The following ADARB2 variants were observed in gnomAD, a reference collection of about 807,000 sequenced individuals.
ADARB2 encodes the protein adenosine deaminase RNA specific B2 (inactive).
Under a neutral mutation model 62.2 loss-of-function variants are expected in ADARB2, and 25 were observed. The ratio of observed to expected loss-of-function variants is 0.40; its 90% CI spans 0.29 to 0.56. The LOEUF (loss-of-function observed/expected upper bound fraction) is 0.56, where lower values mean the gene tolerates loss of function less well. Among genes scored for constraint, ADARB2 ranks in the 20% least tolerant of loss-of-function variants. ADARB2 has a pLI of 0.43. For synonymous variants in ADARB2, 572 were observed against 500.8 expected, an observed-to-expected ratio of 1.14 and a Z score of -1.90; for missense variants, 1,071 against 1,077.4, an observed-to-expected ratio of 0.99 and a Z score of 0.08.
Position 1,619,003 on chromosome 10 carries a change from G to A in ADARB2, c.100+118048C>T, listed in dbSNP as rs1278755938. ...CTGTAGCTTCTTGGCTGCAATTAAT[G>A]GATCACCTGGCTTGGAGGAATGAAT... On this transcript the variant is annotated intron_variant, in intron 1 of 9. Transcript: ENST00000381312. 2.0e-5 allele frequency among the ~76,000 whole-genome samples: 3 copies of A among 152,180 alleles called. No homozygotes were observed. The East Asian group carries it at 5.8e-4, about 29-fold the overall frequency.
intron 1 of ADARB2, among the ~76,000 whole-genome samples, chr10:1,696,882 A>T (rs1834753128): frequency 4.6e-5 from 7 of 152,184 alleles, no homozygotes; most frequent in Admixed American, 4.6e-4. Flanking sequence ...TCCAACCTGC[A>T]GCCTATGGGC....
chr10:1,694,329 A>G (rs1222601872), intron 1 of ADARB2, among the ~76,000 whole-genome samples: 2 of 152,242 alleles, frequency 1.3e-5, no homozygotes, highest in Non-Finnish European at 2.9e-5. Context: ...GTAATGTGCT[A>G]TTTAGCTAAT....
intron 1 of ADARB2, among the ~76,000 whole-genome samples, chr10:1,608,184 G>A (rs764510936): frequency 1.1e-4 from 16 of 152,196 alleles, no homozygotes; most frequent in African/African-American, 3.9e-4. Flanking sequence ...CGTCTGGAGC[G>A]GGGTTTGGAA....
At chr10:1,413,999 C>T (rs1832780917) in intron 1 of ADARB2, among the ~76,000 whole-genome samples, 1 of 152,174 alleles carries the variant, frequency 6.6e-6, no homozygotes, top group Non-Finnish European at 1.5e-5. Flanking sequence ...GGTGCCAGAC[C>T]CACATCAGGG....
intron 1 of ADARB2, among the ~76,000 whole-genome samples, chr10:1,733,729 T>A (rs1177062013): frequency 6.6e-6 from 1 of 152,222 alleles, no homozygotes; most frequent in African/African-American, 2.4e-5. Flanking sequence ...AGGCAGATAT[T>A]ACTCTATATA....
At chr10:1,679,455 G>C (rs1471170976) in intron 1 of ADARB2, among the ~76,000 whole-genome samples, 3 of 152,162 alleles carry the variant, frequency 2.0e-5, no homozygotes, top group Non-Finnish European at 4.4e-5. Context: ...AGTAATGAGA[G>C]ATTTACCCTT....
At chr10:1,288,437 C>T (rs1831432998) in intron 3 of ADARB2, among the ~76,000 whole-genome samples, 1 of 152,216 alleles carries the variant, frequency 6.6e-6, no homozygotes, top group Admixed American at 6.5e-5. Context: ...CGTTGTATCC[C>T]TAAGAGGCAG....
intron 4 of ADARB2, among the ~76,000 whole-genome samples, chr10:1,254,085 C>T (rs531852439): frequency 7.4e-5 from 11 of 148,614 alleles, no homozygotes; most frequent in South Asian, 4.3e-4. Context: ...GTTAGGATGC[C>T]GCGGTCTCTG....
intron 1 of ADARB2, among the ~76,000 whole-genome samples, chr10:1,606,332 C>G (rs1236871318): frequency 6.7e-6 from 1 of 148,942 alleles, no homozygotes; most frequent in Non-Finnish European, 1.5e-5. Flanking sequence ...GGGGGAGCAT[C>G]CTGGCTGTGC....
At chr10:1,338,670 C>T (rs1831995459) in intron 3 of ADARB2, among the ~76,000 whole-genome samples, 1 of 151,854 alleles carries the variant, frequency 6.6e-6, no homozygotes, top group African/African-American at 2.4e-5. Flanking sequence ...AATGGTGGCT[C>T]CTACGTGGGC....
At chr10:1,241,891 C>T (rs1262105871) in intron 5 of ADARB2, among the ~76,000 whole-genome samples, 3 of 152,198 alleles carry the variant, frequency 2.0e-5, no homozygotes, top group Non-Finnish European at 4.4e-5. Context: ...AAGGTGTTTT[C>T]TGGAGGGAAA....
At chr10:1,611,791 GTC>G (rs1189382712) in intron 1 of ADARB2, among the ~76,000 whole-genome samples, 1 of 152,060 alleles carries the variant, frequency 6.6e-6, no homozygotes, top group African/African-American at 2.4e-5. Flanking sequence ...TTTTTTTTGT[GTC>G]TCTCTTATCC....
intron 1 of ADARB2, among the ~76,000 whole-genome samples, chr10:1,520,198 A>G (rs561726984): frequency 1.3e-5 from 2 of 152,392 alleles, no homozygotes; most frequent in South Asian, 4.1e-4. Flanking sequence ...AGATTTTCAT[A>G]TAATACATTG....
intron 1 of ADARB2, among the ~76,000 whole-genome samples, chr10:1,400,756 A>C (rs545144724): frequency 6.6e-6 from 1 of 152,042 alleles, no homozygotes; most frequent in African/African-American, 2.4e-5. Flanking sequence ...CCTCCTTTTC[A>C]TGCTGTTCTT....
At chr10:1,258,689 C>G (rs532803403) in intron 4 of ADARB2, among the ~76,000 whole-genome samples, 1 of 152,274 alleles carries the variant, frequency 6.6e-6, no homozygotes, top group East Asian at 1.9e-4. Context: ...AGACTCCCCA[C>G]AATAATAATG....
intron 1 of ADARB2, among the ~76,000 whole-genome samples, chr10:1,591,962 T>G (rs1023409185): frequency 8.5e-5 from 13 of 152,342 alleles, no homozygotes; most frequent in Non-Finnish European, 1.6e-4. Flanking sequence ...CCCACCAGCC[T>G]GTGGACAGCG....
intron 4 of ADARB2, among the ~76,000 whole-genome samples, chr10:1,266,711 G>A (rs1452998552): frequency 6.6e-6 from 1 of 152,170 alleles, no homozygotes; most frequent in Non-Finnish European, 1.5e-5. Context: ...CCATCAGCAG[G>A]ACACGGGAGA....
At chr10:1,212,799 C>T (rs1433533153) in intron 7 of ADARB2, among the ~76,000 whole-genome samples, 1 of 151,970 alleles carries the variant, frequency 6.6e-6, no homozygotes, top group Non-Finnish European at 1.5e-5. Context: ...TGGCAGGCAC[C>T]CTGCAGCTGA....
At chr10:1,466,728 G>A (rs1831259939) in intron 1 of ADARB2, among the ~76,000 whole-genome samples, 1 of 152,148 alleles carries the variant, frequency 6.6e-6, no homozygotes, top group Non-Finnish European at 1.5e-5. Flanking sequence ...TCCCCAGAAA[G>A]CCCCAAATCA....
Sources: gnomAD v4.1 joint callset for allele counts (sites outside exome capture counted in the v4.1 genomes callset) on GRCh38, gnomAD v4.1.1 for gene constraint, MANE v1.5 for transcripts, NCBI Gene and HGNC (gene_info 2026-07-23, HGNC 2026-07-21) for gene names.